Variants in ROBO2 observed in about 807,000 individuals in gnomAD.
The protein encoded by ROBO2 is roundabout guidance receptor 2.
Under a neutral mutation model 160.8 loss-of-function variants are expected in ROBO2, and 53 were observed. The observed-to-expected ratio is 0.33, with a 90% CI of 0.26 to 0.41. The LOEUF is 0.41. Ranked by LOEUF, ROBO2 falls within the 10% of genes least tolerant of loss-of-function variation. ROBO2 has a pLI of 1.00. For missense variants in ROBO2, 1,577 were observed against 1,722.4 expected (o/e 0.92, Z 1.49); for synonymous variants, 664 against 611.7 (o/e 1.09, Z -1.26).
At chr3:75,912,048 C>T (rs1340936081) in intron 1 of ROBO2, among the ~76,000 whole-genome samples, 3 of 152,118 alleles carry the variant, frequency 2.0e-5, no homozygotes, top group Non-Finnish European at 4.4e-5. Flanking sequence ...TTTTTATTTT[C>T]CCCTCAAATG....
intron 2 of ROBO2, among the ~76,000 whole-genome samples, chr3:76,164,153 G>A (rs1190392742): frequency 6.6e-6 from 1 of 152,122 alleles, no homozygotes; most frequent in Non-Finnish European, 1.5e-5. Flanking sequence ...TCATCCATAA[G>A]AGACAACTTC....
chr3:76,916,024 T>C (rs1401833046), intron 2 of ROBO2, among the ~76,000 whole-genome samples: 4 of 152,102 alleles, frequency 2.6e-5, no homozygotes, highest in Non-Finnish European at 4.4e-5. Flanking sequence ...CCTCATGACC[T>C]AATCACCTCC....
chr3:77,577,374 A>G, intron 14 of ROBO2, 116 bp from the exon 16 acceptor site: 2 of 1,299,752 alleles, frequency 1.5e-6, no homozygotes, highest in Non-Finnish European at 2.2e-6. Context: ...GTGTGCATTC[A>G]GAACTCCTGG....
At chr3:77,057,703 TG>T (rs1485128498) in intron 1 of ROBO2, among the ~76,000 whole-genome samples, 1 of 151,196 alleles carries the variant, frequency 6.6e-6, no homozygotes, top group Non-Finnish European at 1.5e-5. Context: ...CCCGAGTAGC[TG>T]GGATTACAGG....
intron 2 of ROBO2, among the ~76,000 whole-genome samples, chr3:77,257,405 A>C (rs1302781342): frequency 6.6e-6 from 1 of 152,150 alleles, no homozygotes; most frequent in Non-Finnish European, 1.5e-5. Context: ...AGATGTGGGG[A>C]CCTGGCAAAG....
chr3:77,419,931 G>T (rs1046634091), intron 2 of ROBO2, among the ~76,000 whole-genome samples: 3 of 152,020 alleles, frequency 2.0e-5, no homozygotes, highest in Admixed American at 2.0e-4. Flanking sequence ...TAAAAGTGAA[G>T]ATTACTCTGC....
At chr3:76,835,121 A>G (rs1392873048) in intron 2 of ROBO2, among the ~76,000 whole-genome samples, 1 of 151,880 alleles carries the variant, frequency 6.6e-6, no homozygotes, top group Non-Finnish European at 1.5e-5. Context: ...ATTACCAAAA[A>G]CGTCACATTC....
At chr3:75,922,473 G>A (rs2324401) in intron 1 of ROBO2, among the ~76,000 whole-genome samples, 41,923 of 151,822 alleles carry the variant, frequency 0.28, 6,682 homozygotes, top group East Asian at 0.61. Flanking sequence ...CTAATCAGCA[G>A]CAAGTGTTTG....
intron 2 of ROBO2, among the ~76,000 whole-genome samples, chr3:76,264,338 T>G (rs2107605045): frequency 6.6e-6 from 1 of 151,788 alleles, no homozygotes; most frequent in African/African-American, 2.4e-5. Context: ...CTAGTTTTTT[T>G]TTTTTCCCCC....
At chr3:76,956,960 T>C (rs945247079) in intron 2 of ROBO2, among the ~76,000 whole-genome samples, 18 of 152,120 alleles carry the variant, frequency 1.2e-4, no homozygotes, top group African/African-American at 4.3e-4. Context: ...GTCACTGATT[T>C]GAAAACCAAG....
intron 2 of ROBO2, among the ~76,000 whole-genome samples, chr3:76,192,288 C>T (rs550921869): frequency 6.6e-6 from 1 of 152,036 alleles, no homozygotes; most frequent in African/African-American, 2.4e-5. Flanking sequence ...CTTCGATTGG[C>T]TTACCAATCC....
At chr3:76,860,474 C>T (rs1308615894) in intron 2 of ROBO2, among the ~76,000 whole-genome samples, 3 of 152,138 alleles carry the variant, frequency 2.0e-5, no homozygotes, top group African/African-American at 7.2e-5. Flanking sequence ...CAGATGTTCT[C>T]CTTTGGGTCT....
chr3:76,794,582 A>G (rs1473620199), intron 2 of ROBO2, among the ~76,000 whole-genome samples: 1 of 151,962 alleles, frequency 6.6e-6, no homozygotes, highest in East Asian at 1.9e-4. Flanking sequence ...TCATTTCTAT[A>G]TATCATGTTC....
intron 2 of ROBO2, among the ~76,000 whole-genome samples, chr3:76,941,935 C>T (rs1393170632): frequency 6.6e-6 from 1 of 152,012 alleles, no homozygotes; most frequent in Non-Finnish European, 1.5e-5. Context: ...ATTCTCTTAG[C>T]CTATAAACCA....
chr3:75,968,231 A>G (rs1348764831), intron 2 of ROBO2, among the ~76,000 whole-genome samples: 2 of 151,448 alleles, frequency 1.3e-5, no homozygotes, highest in Non-Finnish European at 3.0e-5. Context: ...TTGGCTGTCA[A>G]CACTATGGAT....
At position 76,945,980 on chromosome 3, in the gene ROBO2, T is replaced by G. The variant is rs192862363; in HGVS notation, c.110-152034T>G. Among the ~76,000 whole-genome samples the G allele has an allele frequency of 1.7e-3, 257 of 152,348 alleles. 1 individual carries two copies. The highest frequency in any genetic ancestry group is 5.2e-3 in the African/African-American group (218 of 41,586). On this transcript the variant is annotated intron_variant, in intron 2 of 26. Coordinates refer to the ROBO2 transcript ENST00000487694. The stretch of plus-strand genomic sequence containing the variant: ...TTTTTCTGCTTTTGTTGCATGCCTT[T>G]TAATAGTTTATTGAATGGCAAATTT...
chr3:77,024,430 A>G (rs2062823647), intron 2 of ROBO2, among the ~76,000 whole-genome samples: 1 of 152,212 alleles, frequency 6.6e-6, no homozygotes, highest in South Asian at 2.1e-4. Context: ...ACACTGATGG[A>G]CGGAATCAGC....
At chr3:76,763,918 T>A (rs574868916) in intron 2 of ROBO2, among the ~76,000 whole-genome samples, 1 of 151,900 alleles carries the variant, frequency 6.6e-6, no homozygotes, top group African/African-American at 2.4e-5. Flanking sequence ...ATCCCATTTA[T>A]TTTTGACAGA....
At chr3:77,050,013 G>A (rs1003378429) in intron 1 of ROBO2, among the ~76,000 whole-genome samples, 16 of 152,120 alleles carry the variant, frequency 1.1e-4, no homozygotes, top group African/African-American at 1.9e-4. Context: ...GGTTAGAGTC[G>A]TACTTAGAAG....
Sources: allele counts gnomAD v4.1 joint callset (sites outside exome capture counted in the v4.1 genomes callset), GRCh38; gene constraint gnomAD v4.1.1; transcripts MANE v1.5; gene names NCBI Gene and HGNC (gene_info 2026-07-23, HGNC 2026-07-21).